Variants in PIGU observed in about 807,000 individuals in gnomAD.
PIGU encodes GPI-anchor transamidase component PIGU.
Under a neutral mutation model 49.9 loss-of-function variants are expected in PIGU, and 24 were observed. The ratio of observed to expected loss-of-function variants is 0.48; its 90% CI spans 0.35 to 0.68. The LOEUF is 0.68. Ranked by LOEUF, PIGU falls within the 30% of genes least tolerant of loss-of-function variation. The pLI, the probability that PIGU is intolerant of heterozygous loss-of-function variation, is 0.01. For missense variants in PIGU, 490 were observed against 532.6 expected (o/e 0.92, Z 0.79); for synonymous variants, 220 against 205.7 (o/e 1.07, Z -0.59).
At chr20:34,658,165 G>A (rs1456130527) in intron 1 of PIGU, among the ~76,000 whole-genome samples, 4 of 152,356 alleles carry the variant, frequency 2.6e-5, no homozygotes, top group East Asian at 3.9e-4. Context: ...ACTGGTTTTC[G>A]TATTTTTTTG....
intron 1 of PIGU, among the ~76,000 whole-genome samples, chr20:34,658,929 C>A (rs1163942485): frequency 6.6e-6 from 1 of 151,094 alleles, no homozygotes; most frequent in African/African-American, 2.4e-5. Context: ...AGGCCAGCCG[C>A]CCCGTCCGGG....
At chr20:34,658,319 C>G (rs1274364151) in intron 1 of PIGU, among the ~76,000 whole-genome samples, 4 of 152,206 alleles carry the variant, frequency 2.6e-5, no homozygotes, top group African/African-American at 9.6e-5. Context: ...GGCTGGAGTG[C>G]AGTGGCGTGA....
intron 1 of PIGU, among the ~76,000 whole-genome samples, chr20:34,672,970 G>C (rs76769636): frequency 1.5e-4 from 23 of 149,496 alleles, no homozygotes; most frequent in Non-Finnish European, 3.3e-4. Context: ...AATTTAAAAT[G>C]TCAGCCCGGC....
At chr20:34,615,360 A>G (rs1234478986) in intron 7 of PIGU, among the ~76,000 whole-genome samples, 1 of 152,234 alleles carries the variant, frequency 6.6e-6, no homozygotes, top group Non-Finnish European at 1.5e-5. Context: ...TAAGTCCTAT[A>G]AGAATCTTAC....
intron 9 of PIGU, among the ~76,000 whole-genome samples, chr20:34,583,034 G>C (rs551077439): frequency 6.6e-6 from 1 of 152,326 alleles, no homozygotes; most frequent in East Asian, 1.9e-4. Context: ...TTTCTTCAGA[G>C]ATTAATGACC....
At chr20:34,585,128 C>T (rs772541212) in intron 9 of PIGU, among the ~76,000 whole-genome samples, 1 of 152,256 alleles carries the variant, frequency 6.6e-6, no homozygotes, top group Non-Finnish European at 1.5e-5. Context: ...AGCCACCATG[C>T]CTGGCCACCG....
chr20:34,666,760 G>A (rs1053527122), intron 1 of PIGU, among the ~76,000 whole-genome samples: 43 of 144,676 alleles, frequency 3.0e-4, no homozygotes, highest in African/African-American at 9.4e-4. Flanking sequence ...GCAGTGGCGC[G>A]ATCTCGGCTC....
At chr20:34,563,356 T>C (rs917657263) in intron 11 of PIGU, among the ~76,000 whole-genome samples, 5 of 152,124 alleles carry the variant, frequency 3.3e-5, no homozygotes, top group South Asian at 2.1e-4. Context: ...TCACCTGAGG[T>C]TGGGAGTTCG....
intron 1 of PIGU, among the ~76,000 whole-genome samples, chr20:34,659,245 G>A (rs1369813960): frequency 5.4e-5 from 6 of 110,180 alleles, no homozygotes; most frequent in South Asian, 2.7e-4. Context: ...CCGTCCGGGA[G>A]GGAGGTGGGG....
chr20:34,580,698 G>C (rs1009257589), intron 10 of PIGU, among the ~76,000 whole-genome samples: 1 of 152,208 alleles, frequency 6.6e-6, no homozygotes, highest in Non-Finnish European at 1.5e-5. Context: ...ATGTTTGCAA[G>C]GTCTTCTATG....
At chr20:34,563,669 T>C (rs946075065) in intron 11 of PIGU, among the ~76,000 whole-genome samples, 17 of 151,078 alleles carry the variant, frequency 1.1e-4, no homozygotes, top group African/African-American at 3.6e-4. Context: ...TTCCAAACAA[T>C]GTAGGTAGTT....
At chr20:34,574,256 A>C (rs1397417762) in intron 11 of PIGU, among the ~76,000 whole-genome samples, 1 of 152,246 alleles carries the variant, frequency 6.6e-6, no homozygotes, top group East Asian at 1.9e-4. Context: ...AACCTCTGGA[A>C]GAGCTTATTA....
At chr20:34,658,035 G>C (rs1461487867) in intron 1 of PIGU, among the ~76,000 whole-genome samples, 2 of 151,032 alleles carry the variant, frequency 1.3e-5, no homozygotes, top group Non-Finnish European at 2.9e-5. Flanking sequence ...GTCTCCCTCT[G>C]ATGCCGAGCC....
chr20:34,571,645 C>T (rs1261785985), intron 11 of PIGU, among the ~76,000 whole-genome samples: 1 of 152,156 alleles, frequency 6.6e-6, no homozygotes, highest in African/African-American at 2.4e-5. Context: ...ATGGAAGACA[C>T]AGAAGCAGGG....
At chr20:34,566,176 A>G (rs985112519) in intron 11 of PIGU, among the ~76,000 whole-genome samples, 4 of 152,118 alleles carry the variant, frequency 2.6e-5, no homozygotes, top group Admixed American at 6.5e-5. Context: ...GCTCCCACCT[A>G]TCCCTCAGAG....
chr20:34,640,882 C>T (rs1247390286), intron 4 of PIGU, among the ~76,000 whole-genome samples: 3 of 152,040 alleles, frequency 2.0e-5, no homozygotes, highest in Non-Finnish European at 2.9e-5. Context: ...ACATAATTCC[C>T]CTACTTCAAA....
chr20:34,623,936 T>G (rs1258715233), intron 6 of PIGU, among the ~76,000 whole-genome samples: 1 of 152,114 alleles, frequency 6.6e-6, no homozygotes, highest in Non-Finnish European at 1.5e-5. Context: ...GAACCTCAAC[T>G]CGAAGTGATG....
chr20:34,643,518 C>T (rs916563693), intron 4 of PIGU: 1 of 152,166 alleles, frequency 6.6e-6, no homozygotes, highest in African/African-American at 2.4e-5. Context: ...TCAGTGGCTC[C>T]CAGCCAATCA....
intron 3 of PIGU, 140 bp from the exon 4 acceptor site, chr20:34,644,366 C>A: frequency 1.6e-6 from 1 of 621,454 alleles, no homozygotes; most frequent in Non-Finnish European, 2.8e-6. Context: ...CTTCAACCCT[C>A]ACTTTGACTA....
Sources: gnomAD v4.1 joint callset for allele counts (sites outside exome capture counted in the v4.1 genomes callset) on GRCh38, gnomAD v4.1.1 for gene constraint, MANE v1.5 for transcripts, NCBI Gene and HGNC (gene_info 2026-07-23, HGNC 2026-07-21) for gene names.